SCAPER: variants seen among roughly 807,000 people sequenced by gnomAD.
The protein encoded by SCAPER is S phase cyclin A-associated protein in the endoplasmic reticulum.
In SCAPER, 98 loss-of-function variants were observed where a neutral mutation model predicts 182.2. The observed-to-expected ratio is 0.54, with a 90% CI of 0.46 to 0.64. The LOEUF (loss-of-function observed/expected upper bound fraction) is 0.64, where lower values mean the gene tolerates loss of function less well. Ranked by LOEUF, SCAPER falls within the 30% of genes least tolerant of loss-of-function variation. The pLI, the probability that SCAPER is intolerant of heterozygous loss-of-function variation, is 0.00. For synonymous variants in SCAPER, 605 were observed against 564.6 expected, an observed-to-expected ratio of 1.07 and a Z score of -1.01; for missense variants, 1,432 against 1,690.0, an observed-to-expected ratio of 0.85 and a Z score of 2.68.
chr15:76,622,661 AACT>A (rs1407599424), intron 21 of SCAPER, among the ~76,000 whole-genome samples: 1 of 152,220 alleles, frequency 6.6e-6, no homozygotes, highest in Non-Finnish European at 1.5e-5. Context: ...ATGCAGAAAT[AACT>A]ACTTGGTAGC....
intron 2 of SCAPER, among the ~76,000 whole-genome samples, chr15:76,872,476 G>A (rs2072796164): frequency 6.6e-6 from 1 of 151,960 alleles, no homozygotes; most frequent in Non-Finnish European, 1.5e-5. Context: ...TACCTTCAAA[G>A]GGGTGACAAA....
intron 17 of SCAPER, among the ~76,000 whole-genome samples, chr15:76,720,277 C>G (rs1360221474): frequency 6.6e-6 from 1 of 152,068 alleles, no homozygotes; most frequent in Non-Finnish European, 1.5e-5. Context: ...TTTATGGCTG[C>G]ATAGTATTCC....
intron 21 of SCAPER, among the ~76,000 whole-genome samples, chr15:76,652,371 C>CACATATATAT (rs764864981): frequency 1.1e-3 from 9 of 8,054 alleles, no homozygotes; most frequent in South Asian, 7.7e-3. Flanking sequence ...CACACACACA[C>CACATATATAT]ATATATATAT....
At chr15:76,872,318 A>G (rs1165888866) in intron 2 of SCAPER, among the ~76,000 whole-genome samples, 2 of 152,170 alleles carry the variant, frequency 1.3e-5, no homozygotes, top group Non-Finnish European at 2.9e-5. Flanking sequence ...AACTGACAAA[A>G]GATAGCAGCC....
At chr15:76,755,039 C>A (rs2062332793) in intron 14 of SCAPER, among the ~76,000 whole-genome samples, 1 of 151,996 alleles carries the variant, frequency 6.6e-6, no homozygotes, top group Non-Finnish European at 1.5e-5. Context: ...GAGAAAATAA[C>A]CAGAAAACAT....
intron 20 of SCAPER, among the ~76,000 whole-genome samples, chr15:76,695,058 T>C (rs1356321207): frequency 1.3e-5 from 2 of 152,154 alleles, no homozygotes; most frequent in African/African-American, 2.4e-5. Context: ...AACCTATAAA[T>C]TGATCAAATT....
chr15:76,511,711 T>C lies in SCAPER; in HGVS notation c.2839-6737A>G, dbSNP rs1289075395. Reference sequence around the variant, plus strand: ...CTCCACTAAACTCTGAGCTTGCTGATGTCAGAGACCATGTCTGCTTTATCA... The same window carrying C: ...CTCCACTAAACTCTGAGCTTGCTGACGTCAGAGACCATGTCTGCTTTATCA... On this transcript the variant is annotated intron_variant, in intron 23 of 31. Transcript: ENST00000563290. Among the ~76,000 whole-genome samples, 3 of 152,146 alleles carry C rather than the reference T, an allele frequency of 2.0e-5. No homozygotes were observed. The East Asian group carries it at 5.8e-4, about 29-fold the overall frequency.
chr15:76,625,150 T>C (rs968282207), intron 21 of SCAPER, among the ~76,000 whole-genome samples: 1 of 152,034 alleles, frequency 6.6e-6, no homozygotes, highest in Non-Finnish European at 1.5e-5. Flanking sequence ...GGTGTGGAGA[T>C]GAGCTGGGTG....
chr15:76,425,893 G>T (rs576533536), intron 26 of SCAPER, among the ~76,000 whole-genome samples: 43 of 152,320 alleles, frequency 2.8e-4, no homozygotes, highest in African/African-American at 9.4e-4. Flanking sequence ...GACCCTGTTT[G>T]CCTGGGTATC....
intron 14 of SCAPER, among the ~76,000 whole-genome samples, chr15:76,758,306 T>C (rs924390251): frequency 2.6e-5 from 4 of 152,206 alleles, no homozygotes; most frequent in African/African-American, 9.7e-5. Context: ...TTCACGTGGA[T>C]ACCCAGTATT....
At chr15:76,408,703 G>T (rs539140180) in intron 26 of SCAPER, among the ~76,000 whole-genome samples, 1 of 151,676 alleles carries the variant, frequency 6.6e-6, no homozygotes, top group Middle Eastern at 3.4e-3. Context: ...GGAAGGCAAC[G>T]CACAAGCTCA....
chr15:76,721,533 C>T (rs540142896), intron 17 of SCAPER, among the ~76,000 whole-genome samples: 68 of 151,954 alleles, frequency 4.5e-4, no homozygotes, highest in East Asian at 1.2e-3. Context: ...GCCATTTTCA[C>T]GATATTGATT....
chr15:76,797,930 C>CAA lies in SCAPER; in HGVS notation c.611+2316_611+2317dup, dbSNP rs57473563. 6.1e-3 allele frequency among the ~76,000 whole-genome samples: 880 copies of CAA among 144,176 alleles called. 6 individuals are homozygous for CAA. The highest frequency in any genetic ancestry group is 0.01 in the African/African-American group (407 of 39,286). The allele number at this position is 144,176 out of a possible 152,430, so 94.6% of individuals were successfully genotyped here. ...TCATTTAAAATGCCTACTTTTCAACCAAAAAAAAAAAAAAATCAGATGATG... is the reference window on the plus strand; with the variant it reads ...TCATTTAAAATGCCTACTTTTCAACCAAAAAAAAAAAAAAAAATCAGATGATG... On this transcript the variant is annotated intron_variant, in intron 7 of 31. Transcript: ENST00000563290.
intron 5 of SCAPER, among the ~76,000 whole-genome samples, chr15:76,805,920 C>A (rs1423732772): frequency 6.6e-6 from 1 of 152,122 alleles, no homozygotes; most frequent in African/African-American, 2.4e-5. Flanking sequence ...CCCTTTTTTA[C>A]TGAGTTATTT....
rs57258010 is a variant in SCAPER at position 76,511,885 on chromosome 15, ATTTT to A, written c.2839-6915_2839-6912del. Among the ~76,000 whole-genome samples the A allele has an allele frequency of 2.8e-4, 32 of 113,636 alleles. 1 individual carries two copies. Among genetic ancestry groups the A allele is most frequent in the African/African-American group, 8.7e-4 (25 of 28,674 alleles). The allele number at this position is 113,636 out of a possible 152,430, so 74.5% of individuals were successfully genotyped here. On this transcript the variant is annotated intron_variant, in intron 23 of 31. Transcript: ENST00000563290. ...TGTGTGTGTGTGTATATATATATATATTTTTTTTTTTTTTTGAGATGGAGTCTTG... is the reference window on the plus strand; with the variant it reads ...TGTGTGTGTGTGTATATATATATATATTTTTTTTTTTGAGATGGAGTCTTG...
chr15:76,425,077 A>G (rs1019872645), intron 26 of SCAPER, among the ~76,000 whole-genome samples: 1 of 152,122 alleles, frequency 6.6e-6, no homozygotes, highest in African/African-American at 2.4e-5. Context: ...AACTTTGGTG[A>G]ATCTGACAAT....
At chr15:76,410,030 C>A (rs776093709) in intron 26 of SCAPER, among the ~76,000 whole-genome samples, 1 of 151,206 alleles carries the variant, frequency 6.6e-6, no homozygotes, top group Non-Finnish European at 1.5e-5. Flanking sequence ...TGGACTCAAG[C>A]GAGCTGCCCT....
At chr15:76,534,817 T>G (rs1031990556) in intron 23 of SCAPER, among the ~76,000 whole-genome samples, 9 of 152,168 alleles carry the variant, frequency 5.9e-5, no homozygotes, top group Middle Eastern at 3.2e-3. Flanking sequence ...TTAAATTCAA[T>G]TATATTTATA....
At chr15:76,697,106 GAAGA>G (rs1478023644) in intron 20 of SCAPER, among the ~76,000 whole-genome samples, 1 of 152,010 alleles carries the variant, frequency 6.6e-6, no homozygotes, top group Non-Finnish European at 1.5e-5. Flanking sequence ...ACATGTCAAA[GAAGA>G]AAGGTCACAG....
Sources: allele counts gnomAD v4.1 joint callset (sites outside exome capture counted in the v4.1 genomes callset), GRCh38; gene constraint gnomAD v4.1.1; transcripts MANE v1.5; gene names NCBI Gene and HGNC (gene_info 2026-07-23, HGNC 2026-07-21).